Variants in APBB2 observed in about 807,000 individuals in gnomAD.
The protein encoded by APBB2 is amyloid beta precursor protein binding family B member 2, also known as Fe65-like 1.
A neutral mutation model predicts 82.5 loss-of-function variants in APBB2; 38 were observed. The observed-to-expected ratio is 0.46, with a 90% CI of 0.36 to 0.60. The LOEUF is 0.60. APBB2 is among the 20% of genes least tolerant of loss of function. The pLI is 0.00. For missense variants in APBB2, 772 were observed against 972.3 expected (o/e 0.79, Z 2.74); for synonymous variants, 341 against 368.2 (o/e 0.93, Z 0.85).
rs1317262257 is a variant in APBB2, at chr4:40,982,418, A to G, written c.835+31165T>C. 7.9e-4 allele frequency among the ~76,000 whole-genome samples: 92 copies of G among 115,918 alleles called. 8 individuals carry two copies. Among genetic ancestry groups the G allele is most frequent in the African/African-American group, 3.0e-3 (89 of 29,962 alleles). The allele number at this position is 115,918 out of a possible 152,430, so 76.0% of individuals were successfully genotyped here. On this transcript the variant is annotated intron_variant, in intron 6 of 17. Coordinates refer to ENST00000508593, the MANE Select transcript of APBB2 (RefSeq NM_004307.2). ...AAGGAAAGGAAAGAAAGAAAGAAAG[A>G]AAGAAAGAAAGAAAGAAAGAAAGAA...
In APBB2 at chr4:41,017,339, T is replaced by C. The variant is rs560596640; in HGVS notation, c.20-2941A>G. ...CAAGCTAATCCCATGAACTATAGAG[T>C]TCCTCTAGGAGTTACATATCAGCTA... On this transcript the variant is annotated intron_variant, in intron 5 of 17. Coordinates refer to ENST00000508593, the MANE Select transcript of APBB2 (RefSeq NM_004307.2). 1.4e-4 allele frequency among the ~76,000 whole-genome samples: 21 copies of C among 152,234 alleles called. No homozygotes were observed. In the South Asian group the frequency reaches 4.4e-3, roughly 32 times the overall value.
intron 4 of APBB2, among the ~76,000 whole-genome samples, chr4:41,064,489 A>C (rs865899619): frequency 8.5e-5 from 13 of 152,286 alleles, no homozygotes; most frequent in South Asian, 4.1e-4. Flanking sequence ...AAAATTCCAC[A>C]GGTTCCAAAG....
chr4:40,846,135 T>C (rs1215069008), intron 12 of APBB2, among the ~76,000 whole-genome samples: 1 of 151,820 alleles, frequency 6.6e-6, no homozygotes, highest in Non-Finnish European at 1.5e-5. Flanking sequence ...CATAGAGGCC[T>C]TCAGGTCCTG....
chr4:41,160,254 G>A (rs1003562132), intron 1 of APBB2, among the ~76,000 whole-genome samples: 1 of 152,156 alleles, frequency 6.6e-6, no homozygotes, highest in African/African-American at 2.4e-5. Flanking sequence ...GACTTGGAAA[G>A]GAAATGACGG....
chr4:41,108,018 T>C (rs1220526719), intron 2 of APBB2, among the ~76,000 whole-genome samples: 4 of 152,212 alleles, frequency 2.6e-5, no homozygotes, highest in African/African-American at 9.7e-5. Flanking sequence ...TTGGTGATCA[T>C]CTTATTATAG....
At chr4:40,868,722 C>T (rs891609959) in intron 12 of APBB2, among the ~76,000 whole-genome samples, 1 of 152,196 alleles carries the variant, frequency 6.6e-6, no homozygotes, top group Non-Finnish European at 1.5e-5. Context: ...GAACTTTCCA[C>T]AAAGGAACTA....
chr4:40,991,903 G>C (rs1802197168), intron 6 of APBB2, among the ~76,000 whole-genome samples: 1 of 152,066 alleles, frequency 6.6e-6, no homozygotes, highest in Admixed American at 6.6e-5. Context: ...TCTGCAATTA[G>C]AAAGTTATAA....
chr4:41,142,405 ATAAG>A (rs1251672182), intron 2 of APBB2, among the ~76,000 whole-genome samples: 3 of 152,332 alleles, frequency 2.0e-5, no homozygotes, highest in Non-Finnish European at 2.9e-5. Flanking sequence ...CCTGTCGTAT[ATAAG>A]TATCTTAATG....
At chr4:40,990,574 T>C (rs572322695) in intron 6 of APBB2, among the ~76,000 whole-genome samples, 95 of 152,258 alleles carry the variant, frequency 6.2e-4, no homozygotes, top group African/African-American at 2.3e-3. Context: ...CAGCCTACCA[T>C]TCCAAACCTT....
At chr4:41,004,413 C>T (rs1210642037) in intron 6 of APBB2, among the ~76,000 whole-genome samples, 2 of 152,166 alleles carry the variant, frequency 1.3e-5, no homozygotes, top group African/African-American at 4.8e-5. Context: ...CACATTTTGT[C>T]AGGCACTCTG....
intron 5 of APBB2, among the ~76,000 whole-genome samples, chr4:41,030,496 A>C (rs1560567805): frequency 6.6e-6 from 1 of 152,132 alleles, no homozygotes; most frequent in Non-Finnish European, 1.5e-5. Flanking sequence ...TCCTGGGCTC[A>C]AGCGATCCTC....
At chr4:41,039,325 C>A (rs897745182) in intron 4 of APBB2, among the ~76,000 whole-genome samples, 1 of 152,146 alleles carries the variant, frequency 6.6e-6, no homozygotes, top group East Asian at 1.9e-4. Context: ...CTAGCCACCC[C>A]CAAACCCCAA....
At chr4:41,123,785 T>C (rs1424353895) in intron 2 of APBB2, among the ~76,000 whole-genome samples, 1 of 151,782 alleles carries the variant, frequency 6.6e-6, no homozygotes, top group Non-Finnish European at 1.5e-5. Flanking sequence ...ATGGCACCAC[T>C]GCACTCCAGC....
chr4:40,947,674 C>T (rs4861073), intron 6 of APBB2, among the ~76,000 whole-genome samples: 59,391 of 152,120 alleles, frequency 0.39, 12,417 homozygotes, highest in Non-Finnish European at 0.48. Context: ...GTGACAGATG[C>T]AAAGTGGGCA....
At chr4:40,972,169 T>C (rs1796081289) in intron 6 of APBB2, among the ~76,000 whole-genome samples, 1 of 152,034 alleles carries the variant, frequency 6.6e-6, no homozygotes, top group South Asian at 2.1e-4. Flanking sequence ...TGGCTCATGC[T>C]TGTAATCCCA....
chr4:41,101,874 G>C (rs1234857193), intron 2 of APBB2, among the ~76,000 whole-genome samples: 1 of 151,674 alleles, frequency 6.6e-6, no homozygotes, highest in South Asian at 2.1e-4. Context: ...CAGGAGAATC[G>C]CTTGAACCCG....
intron 1 of APBB2, among the ~76,000 whole-genome samples, chr4:41,176,519 G>C (rs1769825428): frequency 6.6e-6 from 1 of 151,394 alleles, no homozygotes; most frequent in African/African-American, 2.4e-5. Flanking sequence ...AAAAACAAAA[G>C]CAGAATCAAA....
intron 5 of APBB2, among the ~76,000 whole-genome samples, chr4:41,030,856 G>T (rs1716466995): frequency 6.6e-6 from 1 of 151,318 alleles, no homozygotes; most frequent in African/African-American, 2.5e-5. Context: ...ATGGGCTAAG[G>T]CCTGCTCAGA....
intron 2 of APBB2, among the ~76,000 whole-genome samples, chr4:41,101,247 G>C (rs1425448220): frequency 1.3e-5 from 2 of 151,482 alleles, no homozygotes; most frequent in Non-Finnish European, 2.9e-5. Context: ...GGTGGATCAT[G>C]AGGTCAGGAG....
Sources: allele counts gnomAD v4.1 joint callset (sites outside exome capture counted in the v4.1 genomes callset), GRCh38; gene constraint gnomAD v4.1.1; transcripts MANE v1.5; gene names NCBI Gene and HGNC (gene_info 2026-07-23, HGNC 2026-07-21).